SRP68: variants seen among roughly 807,000 people sequenced by gnomAD.
SRP68 encodes signal recognition particle 68, also known as signal recognition particle subunit SRP68.
Under a neutral mutation model 82.2 loss-of-function variants are expected in SRP68, and 15 were observed. That is an observed-to-expected ratio of 0.18 (90% CI 0.12 to 0.28). The LOEUF is 0.28. SRP68 is among the 10% of genes least tolerant of loss of function. SRP68 has a pLI of 1.00. For missense variants in SRP68, 595 were observed against 780.5 expected, an observed-to-expected ratio of 0.76 and a Z score of 2.83; for synonymous variants, 261 against 292.6, an observed-to-expected ratio of 0.89 and a Z score of 1.10.
In SRP68 at chr17:76,043,941, T is replaced by C. The variant is rs1284387574; in HGVS notation, c.1412A>G (p.Gln471Arg). ...FKAYRCFFIA[Q>R]SYVLVKKWSE... Reference sequence around the variant, plus strand: ...CCACTTCTTCACCAGCACATAGGACTGAGCAATGAAAAAACACCTGATGGG... The same window carrying C: ...CCACTTCTTCACCAGCACATAGGACCGAGCAATGAAAAAACACCTGATGGG... The change falls in exon 13 of 16, where the codon CAG (glutamine) becomes CGG (arginine). Residue 471 changes from glutamine (Q) to arginine (R), a missense_variant. Physicochemically the swap from Gln to Arg is conservative, Grantham distance 43. This residue lies in a region of SRP68 where 495 missense variants were observed against 688.6 expected (regional missense o/e 0.72). Transcript: ENST00000307877. The C allele has an allele frequency of 5.0e-6, 8 of 1,604,580 alleles. No individual in the cohort carries two copies. The highest frequency in any genetic ancestry group is 6.8e-6 in the Non-Finnish European group (8 of 1,177,488).
chr17:76,062,744 T>TATATATAAA (rs1555629440), intron 4 of SRP68, among the ~76,000 whole-genome samples: 5 of 74,066 alleles, frequency 6.8e-5, no homozygotes, highest in Non-Finnish European at 1.1e-4. Flanking sequence ...TATATATATA[T>TATATATAAA]ATATATATAT....
intron 8 of SRP68, among the ~76,000 whole-genome samples, chr17:76,055,982 G>A (rs1002285625): frequency 2.0e-5 from 3 of 151,318 alleles, no homozygotes; most frequent in African/African-American, 7.3e-5. Context: ...AAATTTTTTG[G>A]TACTTTTTTT....
intron 3 of SRP68, among the ~76,000 whole-genome samples, chr17:76,064,832 C>T (rs1056720008): frequency 7.9e-6 from 1 of 126,734 alleles, no homozygotes; most frequent in African/African-American, 3.1e-5. Context: ...CAGGGCAAGA[C>T]TCCATCTCAA....
chr17:76,050,279 C>T, intron 9 of SRP68, 149 bp downstream of exon 9: 1 of 574,352 alleles, frequency 1.7e-6, no homozygotes, highest in Non-Finnish European at 3.1e-6. Flanking sequence ...CCCTTGTTTG[C>T]TCCCTTACGA....
At chr17:76,068,265 C>T (rs1036573799) in intron 2 of SRP68, among the ~76,000 whole-genome samples, 2 of 151,528 alleles carry the variant, frequency 1.3e-5, no homozygotes, top group East Asian at 1.9e-4. Context: ...GCACTTCAGC[C>T]TGGGCAACAA....
intron 4 of SRP68, among the ~76,000 whole-genome samples, chr17:76,062,520 T>C (rs1272682806): frequency 2.8e-5 from 3 of 108,490 alleles, no homozygotes; most frequent in South Asian, 2.5e-4. Flanking sequence ...ATATACATTA[T>C]ATATTATATA....
chr17:76,061,296 A>T (rs1208040978), intron 5 of SRP68, 77 bp from the exon 6 acceptor site: 1 of 1,093,368 alleles, frequency 9.1e-7, no homozygotes, highest in South Asian at 1.3e-5. Context: ...GACTAAAAAC[A>T]AATTATGGCC....
chr17:76,046,307 G>A, intron 10 of SRP68, 113 bp from the exon 11 acceptor site: 1 of 1,215,536 alleles, frequency 8.2e-7, no homozygotes, highest in East Asian at 2.3e-5. Context: ...GTGGGGGCGT[G>A]GCCACAGCAG....
intron 3 of SRP68, among the ~76,000 whole-genome samples, chr17:76,064,518 A>C (rs2066792188): frequency 6.6e-6 from 1 of 152,058 alleles, no homozygotes; most frequent in Admixed American, 6.6e-5. Flanking sequence ...CACTTCCTTC[A>C]TCTCAATCCA....
intron 3 of SRP68, among the ~76,000 whole-genome samples, chr17:76,065,191 T>G (rs1247775410): frequency 6.6e-6 from 1 of 152,042 alleles, no homozygotes; most frequent in Non-Finnish European, 1.5e-5. Flanking sequence ...GGCTCATGTC[T>G]GTAATCCCAG....
chr17:76,040,473 A>G lies in SRP68; in HGVS notation c.1602T>C (p.Asp534=). 6.2e-7 allele frequency: 1 copy of G among 1,613,998 alleles called. No individual in the cohort carries two copies. Among genetic ancestry groups the G allele is most frequent in the South Asian group, 1.1e-5 (1 of 91,080 alleles). ...KCSLQAAAIL[D]ANDAHQTETS... is the part of the protein sequence containing the mutation. ...TCTCTGTTTGATGAGCGTCGTTTGC[A>G]TCTGAAAGTTTCACAGGGATTCAGT... The change falls in exon 15 of 16, where the codon GAT becomes GAC. Residue 534 remains aspartate, a splice_region_variant and synonymous_variant. Coordinates refer to ENST00000307877, the MANE Select transcript of SRP68 (RefSeq NM_014230.4).
chr17:76,051,850 C>T (rs12949265), intron 8 of SRP68, among the ~76,000 whole-genome samples: 3,328 of 152,304 alleles, frequency 0.022, 59 homozygotes, highest in Middle Eastern at 0.078. Context: ...ATGTCCTCTA[C>T]GTGCACCGTC....
chr17:76,040,790 C>T (rs185122353), intron 14 of SRP68, 113 bp downstream of exon 14: 4 of 1,025,540 alleles, frequency 3.9e-6, no homozygotes, highest in East Asian at 2.4e-5. Context: ...GAACATCTTA[C>T]AGATGAACCA....
intron 7 of SRP68, among the ~76,000 whole-genome samples, chr17:76,058,266 C>T (rs1265892475): frequency 6.6e-6 from 1 of 151,884 alleles, no homozygotes; most frequent in Non-Finnish European, 1.5e-5. Flanking sequence ...GGATTAGAGG[C>T]CTGCACCACC....
rs1440344273 is a variant in SRP68, at chr17:76,068,976, G to T, written c.251+1402C>A. Among the ~76,000 whole-genome samples the T allele has an allele frequency of 3.3e-5, 5 of 149,444 alleles. No individual in the cohort carries two copies. In the East Asian group the frequency reaches 9.8e-4, roughly 29 times the overall value. On this transcript the variant is annotated intron_variant, in intron 2 of 15. Coordinates refer to ENST00000307877, the MANE Select transcript of SRP68 (RefSeq NM_014230.4). ...TGCAGATGTTCAATACATACATTTT[G>T]ACTAAATTAGTTTAAAATATATATA...
intron 4 of SRP68, among the ~76,000 whole-genome samples, chr17:76,062,631 ATATATTATATAATATACATTATATAT>A: frequency 1.2e-5 from 1 of 81,878 alleles, no homozygotes; most frequent in South Asian, 2.8e-4. Context: ...AATATACATT[ATATATTATATAATATACATTATATAT>A]TATATAATAT....
At position 76,069,802 on chromosome 17, in the gene SRP68, C is replaced by T. The variant is rs181884775; in HGVS notation, c.251+576G>A. On this transcript the variant is annotated intron_variant, in intron 2 of 15. Transcript: ENST00000307877. ...AAAAAAAAAAAAGAAATAGGCCAGA[C>T]ACGGTGGCTCACGCCTGTAATTCCA... 1.0e-3 allele frequency among the ~76,000 whole-genome samples: 155 copies of T among 151,212 alleles called. 1 individual carries two copies. The highest frequency in any genetic ancestry group is 3.2e-4 in the Non-Finnish European group (22 of 67,848).
chr17:76,039,755 T>C lies in SRP68; in HGVS notation c.1835A>G (p.Lys612Arg). The C allele has an allele frequency of 6.2e-7, 1 of 1,614,222 alleles. No individual in the cohort carries two copies. ...CTTGATGTATCCAGTGAGGCCACTC[T>C]TGGTCTTCTGTTCCAACTTGTCCTC... ...PLEDKLEQKT[K>R]SGLTGYIKGI... is the part of the protein sequence containing the mutation. The change falls in exon 16 of 16, where the codon AAG becomes AGG. Residue 612 changes from lysine (K) to arginine (R), a missense_variant. Coordinates refer to ENST00000307877, the MANE Select transcript of SRP68 (RefSeq NM_014230.4).
rs549445545 is a variant in SRP68 at position 76,065,574 on chromosome 17, A to C, written c.366-1403T>G. Among the ~76,000 whole-genome samples the C allele has an allele frequency of 3.1e-4, 47 of 152,154 alleles. 1 individual carries two copies. In the South Asian group the frequency reaches 4.8e-3, roughly 15 times the overall value. ...TCTGACTGTACACACCAAGCTCACAACCTTTTCACTGCCTGAGTAGCAGCT... is the reference window on the plus strand; with the variant it reads ...TCTGACTGTACACACCAAGCTCACACCCTTTTCACTGCCTGAGTAGCAGCT... On this transcript the variant is annotated intron_variant, in intron 3 of 15. Transcript: ENST00000307877.
Sources: allele counts gnomAD v4.1 joint callset (sites outside exome capture counted in the v4.1 genomes callset), GRCh38; gene constraint gnomAD v4.1.1; regional missense constraint gnomAD v4.1.1; transcripts MANE v1.5; gene names NCBI Gene and HGNC (gene_info 2026-07-23, HGNC 2026-07-21).